Variants in PLCH2 observed in about 807,000 individuals in gnomAD.
PLCH2 encodes the protein phospholipase C eta 2.
A neutral mutation model predicts 134.7 loss-of-function variants in PLCH2; 98 were observed. The ratio of observed to expected loss-of-function variants is 0.73; its 90% CI spans 0.62 to 0.86. PLCH2 has a LOEUF of 0.86. Among genes scored for constraint, PLCH2 ranks in the 40% least tolerant of loss-of-function variants. The pLI, the probability that PLCH2 is intolerant of heterozygous loss-of-function variation, is 0.00. For missense variants in PLCH2, 1,994 were observed against 1,986.6 expected (o/e 1.00, Z -0.07); for synonymous variants, 974 against 827.5 (o/e 1.18, Z -3.04).
chr1:2,473,173 G>A (rs1402695446), upstream of PLCH2, among the ~76,000 whole-genome samples: 1 of 152,202 alleles, frequency 6.6e-6, no homozygotes, highest in Non-Finnish European at 1.5e-5. Context: ...CCAGCCTTGG[G>A]AAGAAAGGAA....
intron 2 of PLCH2, among the ~76,000 whole-genome samples, chr1:2,432,819 C>G (rs1413423956): frequency 6.6e-6 from 1 of 152,210 alleles, no homozygotes; most frequent in Non-Finnish European, 1.5e-5. Context: ...CCCCAACTCC[C>G]CCGTCCGGAG....
Position 2,479,974 on chromosome 1 carries a change from ACCAATAT to A in PLCH2, c.515_515+6del, listed in dbSNP as rs1641868530. 1 of 1,603,608 alleles carries A rather than the reference ACCAATAT, an allele frequency of 6.2e-7. No homozygotes were observed. The highest frequency in any genetic ancestry group is 1.3e-5 in the African/African-American group (1 of 74,748). ...CTGGCTCGCCGCCAGCGCACCAGGG[ACCAATAT>A]CCTTGGGCACCTATCGGGCAATGCA... On this transcript the variant is annotated splice_donor_variant and splice_donor_region_variant and coding_sequence_variant and intron_variant, in exon 3 of 22. Transcript: ENST00000378486. LOFTEE classifies it high-confidence loss of function.
At position 2,452,369 on chromosome 1, in the gene PLCH2, G is replaced by A. The variant is rs374296507; in HGVS notation, c.115+21740G>A. 6.6e-5 allele frequency among the ~76,000 whole-genome samples: 10 copies of A among 152,218 alleles called. No homozygotes were observed. The East Asian group carries it at 7.7e-4, about 12-fold the overall frequency. ...TCTTGGCTGAAAGGCAGCAGCTGCCGTCCTGGAGTGAGCCCCGTGGAGGGG... is the reference window on the plus strand; with the variant it reads ...TCTTGGCTGAAAGGCAGCAGCTGCCATCCTGGAGTGAGCCCCGTGGAGGGG... On this transcript the variant is annotated intron_variant, in intron 2 of 3. Transcript: ENST00000609981.
At chr1:2,456,252 C>G (rs550956474) in intron 2 of PLCH2, among the ~76,000 whole-genome samples, 8 of 152,176 alleles carry the variant, frequency 5.3e-5, no homozygotes, top group Non-Finnish European at 1.2e-4. Flanking sequence ...CGGATTTAGG[C>G]CTCCCCTGGC....
intron 1 of PLCH2, among the ~76,000 whole-genome samples, chr1:2,426,188 A>G (rs2100467896): frequency 6.6e-6 from 1 of 152,360 alleles, no homozygotes; most frequent in African/African-American, 2.4e-5. Flanking sequence ...CCATCTGTGC[A>G]GATGTCAGCG....
In PLCH2 at chr1:2,487,589, C is replaced by A; in HGVS notation, c.1115-9C>A. The A allele has an allele frequency of 6.2e-7, 1 of 1,610,018 alleles. No homozygotes were observed. The highest frequency in any genetic ancestry group is 8.5e-7 in the Non-Finnish European group (1 of 1,178,514). Reference sequence around the variant, plus strand: ...CCCCTGGGGCTGACCAAGGCCTGCCCGCCTGCAGTGGACTGCTGGGATGGG... The same window carrying A: ...CCCCTGGGGCTGACCAAGGCCTGCCAGCCTGCAGTGGACTGCTGGGATGGG... On this transcript the variant is annotated splice_polypyrimidine_tract_variant and intron_variant, in intron 7 of 21. Transcript: ENST00000378486.
chr1:2,452,288 C>T (rs772195329), intron 2 of PLCH2, among the ~76,000 whole-genome samples: 1 of 152,310 alleles, frequency 6.6e-6, no homozygotes, highest in East Asian at 1.9e-4. Context: ...GGTCCCCCTG[C>T]CGCCCCCCAT....
At chr1:2,484,731 C>A in intron 5 of PLCH2, 113 bp downstream of exon 5, 1 of 1,217,848 alleles carries the variant, frequency 8.2e-7, no homozygotes, top group Non-Finnish European at 1.1e-6. Context: ...CTGAAGCTAT[C>A]CCAGGCCAGG....
intron 8 of PLCH2, among the ~76,000 whole-genome samples, chr1:2,488,708 C>A (rs1235702632): frequency 6.6e-6 from 1 of 152,228 alleles, no homozygotes; most frequent in Non-Finnish European, 1.5e-5. Context: ...AGGTAATAAC[C>A]ATGTTCCACC....
At chr1:2,466,793 G>T (rs567472512), upstream of PLCH2, among the ~76,000 whole-genome samples, 1 of 152,226 alleles carries the variant, frequency 6.6e-6, no homozygotes, top group Admixed American at 6.5e-5. Flanking sequence ...ATGCTGGCTC[G>T]GAGAGGGAGA....
chr1:2,454,090 G>A (rs1305539082), intron 2 of PLCH2, among the ~76,000 whole-genome samples: 1 of 152,206 alleles, frequency 6.6e-6, no homozygotes, highest in Non-Finnish European at 1.5e-5. Flanking sequence ...GGTGCCCACT[G>A]TGGGCATAGC....
upstream of PLCH2, among the ~76,000 whole-genome samples, chr1:2,475,748 A>G (rs1016751066): frequency 6.6e-6 from 1 of 152,186 alleles, no homozygotes; most frequent in Admixed American, 6.5e-5. Flanking sequence ...CTGCAGCTGC[A>G]TGAGGGAGAC....
At chr1:2,453,208 C>G (rs763658735) in intron 2 of PLCH2, among the ~76,000 whole-genome samples, 7 of 152,190 alleles carry the variant, frequency 4.6e-5, no homozygotes, top group Non-Finnish European at 8.8e-5. Flanking sequence ...CAAGTCTGCC[C>G]CCCGACAGCG....
chr1:2,505,292 G>A lies in PLCH2; in HGVS notation c.*79G>A, dbSNP rs1340417128. 8.7e-7 allele frequency: 1 copy of A among 1,143,892 alleles called. No homozygotes were observed. The highest frequency in any genetic ancestry group is 1.6e-5 in the African/African-American group (1 of 63,522). The allele number at this position is 1,143,892 out of a possible 1,614,324, so 70.9% of individuals were successfully genotyped here. A position where few individuals can be genotyped will look rare whatever the true frequency, so the allele number is the denominator to read the frequency against. On this transcript the variant is annotated 3_prime_UTR_variant, in exon 22 of 22. Transcript: ENST00000378486. ...TGTTGTTTGCTCAGGAAACAGGGCA[G>A]CCAGGCCCCCAAAACTGTGTCCCCC... is the stretch of plus-strand genomic sequence containing the variant.
intron 2 of PLCH2, among the ~76,000 whole-genome samples, chr1:2,436,486 C>G (rs1335319575): frequency 2.7e-5 from 1 of 37,134 alleles, no homozygotes; most frequent in South Asian, 1.2e-3. Flanking sequence ...TCCCTCCTCC[C>G]CTCCTCCCTC....
At chr1:2,500,999 CCT>C (rs922431413) in intron 20 of PLCH2, 3 of 151,846 alleles carry the variant, frequency 2.0e-5, no homozygotes, top group Non-Finnish European at 2.9e-5. Flanking sequence ...CCACTCCCTC[CCT>C]GTCCTTGCCA....
At chr1:2,478,752 T>C (rs1205621852) in intron 2 of PLCH2, 130 bp downstream of exon 2, 10 of 929,644 alleles carry the variant, frequency 1.1e-5, no homozygotes, top group Admixed American at 2.5e-5. Flanking sequence ...CTGGGCTCAG[T>C]GGCCTTGGGG....
At chr1:2,443,842 C>T (rs930631751) in intron 2 of PLCH2, among the ~76,000 whole-genome samples, 14 of 149,406 alleles carry the variant, frequency 9.4e-5, no homozygotes, top group Non-Finnish European at 2.1e-4. Context: ...GGAGCCGGAG[C>T]CCCAGCCCGA....
chr1:2,431,672 G>C (rs146579176), intron 2 of PLCH2, among the ~76,000 whole-genome samples: 2 of 152,258 alleles, frequency 1.3e-5, no homozygotes, highest in African/African-American at 4.8e-5. Flanking sequence ...ATCAGGTCCA[G>C]GGGCAACGGT....
Sources: allele counts gnomAD v4.1 joint callset (sites outside exome capture counted in the v4.1 genomes callset), GRCh38; gene constraint gnomAD v4.1.1; transcripts MANE v1.5; gene names NCBI Gene and HGNC (gene_info 2026-07-23, HGNC 2026-07-21).